DBH: variants seen among roughly 807,000 people sequenced by gnomAD.
DBH encodes dopamine beta-hydroxylase (dopamine beta-monooxygenase).
A neutral mutation model predicts 64.0 loss-of-function variants in DBH; 49 were observed. The observed-to-expected ratio is 0.77, with a 90% CI of 0.61 to 0.97. DBH has a LOEUF of 0.97. Ranked by LOEUF, DBH falls within the 50% of genes least tolerant of loss-of-function variation. The probability of loss-of-function intolerance (pLI) is 0.00; values close to 1 mark genes in which losing one functional copy is unlikely to be tolerated. For synonymous variants in DBH, 343 were observed against 347.1 expected, an observed-to-expected ratio of 0.99 and a Z score of 0.13; for missense variants, 828 against 826.6, an observed-to-expected ratio of 1.00 and a Z score of -0.02.
Position 133,643,653 on chromosome 9 carries a change from G to C in DBH, c.921+64G>C. 1 of 1,579,420 alleles carries C rather than the reference G, an allele frequency of 6.3e-7. No homozygotes were observed. ...GGGCCCCTGGCATCCCCACACCTCT[G>C]TTTCCCCAGCTTCACCGTCTCAGAG... On this transcript the variant is annotated intron_variant, in intron 4 of 11. Transcript: ENST00000393056. This position sits in a 1 kb window ranked among gnomAD's most constrained non-coding sequence, Gnocchi z 5.3.
Position 133,651,704 on chromosome 9 carries a change from T to A in DBH, c.1262T>A (p.Val421Asp). Residue 421 changes from valine (V) to aspartate (D), a missense_variant, in exon 7 of 12, where the codon GTC becomes GAC. Val to Asp is a radical substitution (Grantham distance 152). Coordinates refer to ENST00000393056, the MANE Select transcript of DBH (RefSeq NM_000787.4). The stretch of plus-strand genomic sequence containing the variant: ...ACACACCTGACTGGGAGAAAGGTGG[T>A]CACAGTGCTGGTCCGGGACGGCCGG... The part of the protein sequence containing the change: ...LHTHLTGRKV[V>D]TVLVRDGREW... 1 of 1,613,996 alleles carries A rather than the reference T, an allele frequency of 6.2e-7. No individual in the cohort carries two copies. The highest frequency in any genetic ancestry group is 8.5e-7 in the Non-Finnish European group (1 of 1,180,010).
intron 9 of DBH, among the ~76,000 whole-genome samples, chr9:133,653,899 C>T (rs3025416): frequency 0.16 from 24,696 of 152,122 alleles, 2,352 homozygotes; most frequent in East Asian, 0.37. Flanking sequence ...CCAGTGGATC[C>T]GTGCCAGCTG....
intron 5 of DBH, 92 bp downstream of exon 5, chr9:133,644,412 G>C: frequency 9.8e-7 from 1 of 1,020,028 alleles, no homozygotes; most frequent in Non-Finnish European, 1.5e-6. Context: ...TGCCCAGCAT[G>C]GTGCCCCCGC....
intron 6 of DBH, among the ~76,000 whole-genome samples, chr9:133,649,101 G>T (rs1174869700): frequency 6.6e-6 from 1 of 152,194 alleles, no homozygotes; most frequent in African/African-American, 2.4e-5. Context: ...AGACATGTCA[G>T]TGTTGTTTAA....
chr9:133,656,865 CCCG>C (rs1216481179), intron 10 of DBH, among the ~76,000 whole-genome samples: 2 of 152,212 alleles, frequency 1.3e-5, no homozygotes, highest in Non-Finnish European at 2.9e-5. Flanking sequence ...CCATTACCCA[CCCG>C]CCAAGGTGAC....
intron 5 of DBH, among the ~76,000 whole-genome samples, chr9:133,646,747 C>T (rs1832186493): frequency 6.6e-6 from 1 of 152,104 alleles, no homozygotes; most frequent in African/African-American, 2.4e-5. Context: ...TGGTCTCGAA[C>T]TCCCAACCTC....
At chr9:133,657,665 A>G (rs1588355803) in intron 11 of DBH, among the ~76,000 whole-genome samples, 1 of 150,920 alleles carries the variant, frequency 6.6e-6, no homozygotes, top group African/African-American at 2.4e-5. Flanking sequence ...GGGGAGGGGA[A>G]GGTAAGAAAC....
chr9:133,658,403 C>T lies in DBH; in HGVS notation c.1810C>T (p.Pro604Ser), dbSNP rs1564216508. The T allele has an allele frequency of 6.2e-7, 1 of 1,613,624 alleles. No homozygotes were observed. The highest frequency in any genetic ancestry group is 8.5e-7 in the Non-Finnish European group (1 of 1,179,756). The change falls in exon 12 of 12, where the codon CCT becomes TCT. Residue 604 changes from proline to serine, a missense_variant. Coordinates refer to ENST00000393056, the MANE Select transcript of DBH (RefSeq NM_000787.4). ...GTGCCCCACCAGCCAGGGCCGAAGC[C>T]CTGCTGGCCCCACCGTTGTCAGCAT... ...PQCPTSQGRS[P>S]AGPTVVSIGG...
At chr9:133,657,417 A>AGAGAGAG (rs1554737483) in intron 11 of DBH, 188 bp downstream of exon 11, 487 of 37,510 alleles carry the variant, frequency 0.013, 23 homozygotes, top group Admixed American at 0.021. Context: ...AGGAGAGAGG[A>AGAGAGAG]GAGAGAGGAG....
Position 133,659,021 on chromosome 9 carries a change from G to A in DBH, c.*574G>A, listed in dbSNP as rs939648330. 4 of 151,814 alleles carry A rather than the reference G, an allele frequency of 2.6e-5. No homozygotes were observed. The highest frequency in any genetic ancestry group is 3.9e-4 in the East Asian group (2 of 5,186). The allele number at this position is 151,814 out of a possible 1,614,324, so 9.4% of individuals were successfully genotyped here. ...CATTCCTGAGTAAACAGATATTTTC[G>A]CCCACCTAAAGGGAAGCCCTGACAA... On this transcript the variant is annotated 3_prime_UTR_variant, in exon 12 of 12. Coordinates refer to ENST00000393056, the MANE Select transcript of DBH (RefSeq NM_000787.4).
Position 133,642,448 on chromosome 9 carries a change from G to A in DBH, c.728G>A (p.Arg243Gln), listed in dbSNP as rs142648386. The A allele has an allele frequency of 1.0e-4, 167 of 1,610,768 alleles. No homozygotes were observed. The highest frequency in any genetic ancestry group is 1.3e-4 in the Non-Finnish European group (153 of 1,178,586). Residue 243 changes from arginine to glutamine, a missense_variant, in exon 3 of 12, where the codon CGG becomes CAG. Physicochemically the swap from Arg to Gln is conservative, Grantham distance 43. Transcript: ENST00000393056. ...AAGGAGCTTCCAAAGGGCTTCTCTC[G>A]GCACCACATTATCAAGGTACGTGCG... ...YIKELPKGFS[R>Q]HHIIKYEPIV...
intron 2 of DBH, among the ~76,000 whole-genome samples, chr9:133,641,400 G>A (rs192282691): frequency 6.6e-6 from 1 of 152,206 alleles, no homozygotes; most frequent in Admixed American, 6.5e-5. Flanking sequence ...CACAGGGGGA[G>A]GCCAATGCCT....
chr9:133,657,496 AG>A (rs1205455913), intron 11 of DBH, among the ~76,000 whole-genome samples: 2 of 143,284 alleles, frequency 1.4e-5, no homozygotes, highest in African/African-American at 2.8e-5. Flanking sequence ...GGAGAGAGAG[AG>A]GAGAGAGAGA....
chr9:133,639,186 A>G (rs1368554621), intron 1 of DBH, among the ~76,000 whole-genome samples: 1 of 149,916 alleles, frequency 6.7e-6, no homozygotes, highest in African/African-American at 2.5e-5. Context: ...TGAGGCCAGG[A>G]GTTCAGGACC....
rs539297617 is a variant in DBH at position 133,656,658 on chromosome 9, C to T, written c.1562+8C>T. ...CTTCCACCTCATCAACAGGTGAGGG[C>T]TCCCTGCACAAGCTCCCTGCCCCCA... On this transcript the variant is annotated splice_region_variant and intron_variant, in intron 10 of 11. Transcript: ENST00000393056. 1 of 1,611,338 alleles carries T rather than the reference C, an allele frequency of 6.2e-7. No individual in the cohort carries two copies. The highest frequency in any genetic ancestry group is 1.1e-5 in the South Asian group (1 of 91,036).
intron 11 of DBH, 48 bp downstream of exon 11, chr9:133,657,277 T>C: frequency 1.2e-6 from 2 of 1,609,956 alleles, no homozygotes; most frequent in Non-Finnish European, 1.7e-6. Context: ...GCAGGCCTCA[T>C]GGGGGGCCCC....
intron 9 of DBH, 190 bp from the exon 10 acceptor site, chr9:133,656,333 C>T: frequency 3.0e-6 from 2 of 677,768 alleles, no homozygotes; most frequent in Non-Finnish European, 5.1e-6. Context: ...GACTCACTCA[C>T]TCACTGCCTG....
chr9:133,647,855 A>G lies in DBH; in HGVS notation c.1034A>G (p.Asp345Gly). 6.2e-7 allele frequency: 1 copy of G among 1,613,726 alleles called. No homozygotes were observed. The highest frequency in any genetic ancestry group is 2.2e-5 in the East Asian group (1 of 44,860). ...HNPLVIEGRN[D>G]SSGIRLYYTA... ...TCCCACCTTCTCCCAGGACGAAACGACTCCTCAGGCATCCGCTTGTACTAC... is the reference window on the plus strand; with the variant it reads ...TCCCACCTTCTCCCAGGACGAAACGGCTCCTCAGGCATCCGCTTGTACTAC... Residue 345 changes from aspartate to glycine, a missense_variant, in exon 6 of 12, where the codon GAC becomes GGC. Transcript: ENST00000393056.
At chr9:133,647,712 TG>T in intron 5 of DBH, 133 bp from the exon 6 acceptor site, 1 of 1,046,100 alleles carries the variant, frequency 9.6e-7, no homozygotes, top group Non-Finnish European at 1.4e-6. Flanking sequence ...GCCTAGCAGG[TG>T]GGAGCAGATG....
Sources: gnomAD v4.1 joint callset for allele counts (sites outside exome capture counted in the v4.1 genomes callset) on GRCh38, gnomAD v4.1.1 for gene constraint, Gnocchi (gnomAD v3.1) non-coding constraint, MANE v1.5 for transcripts, NCBI Gene and HGNC (gene_info 2026-07-23, HGNC 2026-07-21) for gene names.